Variants in MFSD8 observed in about 807,000 individuals in gnomAD.
MFSD8 encodes the protein major facilitator superfamily domain-containing protein 8.
In MFSD8, 55 loss-of-function variants were observed where a neutral mutation model predicts 66.4. That is an observed-to-expected ratio of 0.83 (90% CI 0.67 to 1.04). MFSD8 has a LOEUF of 1.04. MFSD8 is among the 50% of genes least tolerant of loss of function. The pLI, the probability that MFSD8 is intolerant of heterozygous loss-of-function variation, is 0.00. For missense variants in MFSD8, 550 were observed against 627.6 expected (o/e 0.88, Z 1.32); for synonymous variants, 202 against 212.8 (o/e 0.95, Z 0.44).
upstream of MFSD8, chr4:127,965,224 T>C: frequency 6.6e-7 from 1 of 1,517,478 alleles, no homozygotes; most frequent in Non-Finnish European, 9.1e-7. Flanking sequence ...AAAACAAGCC[T>C]GTAAGTGCGC....
intron 1 of MFSD8, among the ~76,000 whole-genome samples, chr4:127,964,295 T>C (rs1227445587): frequency 2.0e-5 from 3 of 152,168 alleles, no homozygotes; most frequent in Non-Finnish European, 4.4e-5. Context: ...GGAGCGGCGC[T>C]CATCGGGGAG....
chr4:127,938,756 T>G (rs763203489), intron 7 of MFSD8, 27 bp downstream of exon 7: 1 of 1,574,844 alleles, frequency 6.3e-7, no homozygotes, highest in Non-Finnish European at 8.7e-7. Context: ...AATGTTATAT[T>G]AATTCAGCCA....
At chr4:127,932,811 A>G in intron 8 of MFSD8, 174 bp downstream of exon 8, 1 of 549,486 alleles carries the variant, frequency 1.8e-6, no homozygotes, top group African/African-American at 1.9e-5. Flanking sequence ...TGGACAAATA[A>G]TTAACTACAT....
At position 127,917,899 on chromosome 4, in the gene MFSD8, G is replaced by A. The variant is rs1027520061; in HGVS notation, c.*2731C>T. Reference sequence around the variant, plus strand: ...AATAAGTCTTCAATGGTCAAAAATGGTGCCCAGAATTTCTTCTCAAAATAA... The same window carrying A: ...AATAAGTCTTCAATGGTCAAAAATGATGCCCAGAATTTCTTCTCAAAATAA... On this transcript the variant is annotated 3_prime_UTR_variant, in exon 12 of 12. Transcript: ENST00000641686. 1 of 152,172 alleles carries A rather than the reference G, an allele frequency of 6.6e-6. No individual in the cohort carries two copies. The highest frequency in any genetic ancestry group is 2.4e-5 in the African/African-American group (1 of 41,450). The allele number at this position is 152,172 out of a possible 1,614,324, so 9.4% of individuals were successfully genotyped here.
chr4:127,962,028 G>A (rs1325318928), intron 1 of MFSD8, among the ~76,000 whole-genome samples: 1 of 152,190 alleles, frequency 6.6e-6, no homozygotes. Flanking sequence ...ATTAAAGCTG[G>A]TGGAAAGAGT....
At chr4:127,925,336 C>G (rs1737015387) in intron 9 of MFSD8, among the ~76,000 whole-genome samples, 1 of 152,158 alleles carries the variant, frequency 6.6e-6, no homozygotes, top group African/African-American at 2.4e-5. Context: ...TTTTTGCAAT[C>G]TATCCATCTG....
chr4:127,927,580 G>T (rs1737427578), intron 9 of MFSD8, among the ~76,000 whole-genome samples: 1 of 152,218 alleles, frequency 6.6e-6, no homozygotes, highest in South Asian at 2.1e-4. Flanking sequence ...TACTTAAATA[G>T]AACTGTCTAA....
intron 2 of MFSD8, among the ~76,000 whole-genome samples, chr4:127,955,240 C>T (rs924074238): frequency 6.6e-6 from 1 of 152,214 alleles, no homozygotes; most frequent in Middle Eastern, 3.4e-3. Flanking sequence ...AAATGTCCAT[C>T]GACAGATAAA....
chr4:127,957,083 C>G (rs189694302), intron 2 of MFSD8, among the ~76,000 whole-genome samples: 2 of 151,982 alleles, frequency 1.3e-5, no homozygotes, highest in African/African-American at 4.8e-5. Context: ...AACTATACAG[C>G]CTTTAAATAA....
chr4:127,928,970 A>G (rs1214807052), intron 9 of MFSD8, among the ~76,000 whole-genome samples: 1 of 152,170 alleles, frequency 6.6e-6, no homozygotes, highest in Non-Finnish European at 1.5e-5. Context: ...GTTAAGTGAA[A>G]TAAGCCAAGC....
intron 7 of MFSD8, among the ~76,000 whole-genome samples, chr4:127,937,867 A>G (rs1739328980): frequency 6.6e-6 from 1 of 152,242 alleles, no homozygotes; most frequent in Non-Finnish European, 1.5e-5. Context: ...CTGGTAAAAT[A>G]GTAAAATAAT....
intron 1 of MFSD8, among the ~76,000 whole-genome samples, chr4:127,958,903 T>C (rs190953115): frequency 7.2e-5 from 11 of 152,336 alleles, no homozygotes; most frequent in Non-Finnish European, 1.2e-4. Flanking sequence ...ATGGCCACTT[T>C]CTATGCTATA....
At chr4:127,936,208 G>C (rs1235776954) in intron 7 of MFSD8, among the ~76,000 whole-genome samples, 1 of 151,924 alleles carries the variant, frequency 6.6e-6, no homozygotes, top group Non-Finnish European at 1.5e-5. Context: ...CTGCCTCCCA[G>C]GTTCAAGCGA....
At chr4:127,939,604 C>CCAAA in intron 6 of MFSD8, 2 of 80,840 alleles carry the variant, frequency 2.5e-5, no homozygotes, top group East Asian at 3.8e-4. Context: ...GATCTTGTCT[C>CCAAA]AAAAAAAAAA....
upstream of MFSD8, chr4:127,965,191 A>G (rs796052737): frequency 1.0e-5 from 16 of 1,601,946 alleles, no homozygotes; most frequent in Admixed American, 1.7e-5. Context: ...GCTTTCTCCC[A>G]TCCCGGGTGG....
rs1419970423 is a variant in MFSD8, at chr4:127,920,846, G to A, written c.1351-10C>T. 1 of 1,612,270 alleles carries A rather than the reference G, an allele frequency of 6.2e-7. No homozygotes were observed. The highest frequency in any genetic ancestry group is 1.3e-5 in the African/African-American group (1 of 74,884). On this transcript the variant is annotated splice_polypyrimidine_tract_variant and intron_variant, in intron 11 of 11. Transcript: ENST00000641686. ...AGCCCATGTATACACCCTGTTGGGG[G>A]TGAAATGGAGGACAAGCAGATTGAT...
rs1200073175 is a variant in MFSD8 at position 127,921,702 on chromosome 4, A to G, written c.1172T>C (p.Met391Thr). The part of the protein sequence containing the change: ...EIIIGLWKSP[M>T]EDDNERPTGC... ...AGTTGGTCTTTCATTGTCATCTTCC[A>G]TTGGAGACTTCCAAAGACCAATAAT... Residue 391 changes from methionine to threonine, a missense_variant, in exon 11 of 12, where the codon ATG becomes ACG. Met to Thr is a moderately conservative substitution (Grantham distance 81). Transcript: ENST00000641686. 2 of 1,614,096 alleles carry G rather than the reference A, an allele frequency of 1.2e-6. No homozygotes were observed. Among genetic ancestry groups the G allele is most frequent in the Non-Finnish European group, 1.7e-6 (2 of 1,180,042 alleles).
At chr4:127,954,826 G>A (rs1742586176) in intron 2 of MFSD8, among the ~76,000 whole-genome samples, 1 of 152,132 alleles carries the variant, frequency 6.6e-6, no homozygotes. Context: ...AATGGGCAAT[G>A]GTCTTGAACA....
chr4:127,927,326 C>A (rs1004543753), intron 9 of MFSD8, among the ~76,000 whole-genome samples: 5 of 152,106 alleles, frequency 3.3e-5, no homozygotes, highest in Non-Finnish European at 7.4e-5. Flanking sequence ...CAGGCACTGG[C>A]CACCACACCC....
Sources: allele counts gnomAD v4.1 joint callset (sites outside exome capture counted in the v4.1 genomes callset), GRCh38; gene constraint gnomAD v4.1.1; transcripts MANE v1.5; gene names NCBI Gene and HGNC (gene_info 2026-07-23, HGNC 2026-07-21).